TMEM272: variants seen among roughly 807,000 people sequenced by gnomAD.
TMEM272 encodes transmembrane protein 272, also known as long intergenic non-protein coding RNA 282.
TMEM272 carries 8 observed loss-of-function variants against 3.7 expected under a neutral mutation model. The ratio of observed to expected loss-of-function variants is 2.17; its 90% CI spans 1.27 to 3.91. TMEM272 has a LOEUF of 3.91. Ranked by LOEUF, TMEM272 falls within the 30% of genes most tolerant of loss-of-function variation. The probability of loss-of-function intolerance (pLI) is 0.00; values close to 1 mark genes in which losing one functional copy is unlikely to be tolerated. For missense variants in TMEM272, 166 were observed against 91.5 expected, an observed-to-expected ratio of 1.81 and a Z score of -3.32; for synonymous variants, 63 against 39.8, an observed-to-expected ratio of 1.58 and a Z score of -2.20.
chr13:51,907,859 A>G, the TMEM272 span, among the ~76,000 whole-genome samples: 1 of 152,356 alleles, frequency 6.6e-6, no homozygotes, highest in East Asian at 1.9e-4. Flanking sequence ...GCATAAATTT[A>G]CTTTCACATT....
chr13:51,915,599 C>T, the TMEM272 span, among the ~76,000 whole-genome samples: 3 of 152,206 alleles, frequency 2.0e-5, no homozygotes, highest in South Asian at 2.1e-4. Context: ...CGCAGAGACA[C>T]GCCCCTGTCA....
the TMEM272 span, among the ~76,000 whole-genome samples, chr13:51,901,306 G>A: frequency 1.3e-5 from 2 of 152,054 alleles, no homozygotes; most frequent in Non-Finnish European, 2.9e-5. Flanking sequence ...AGTTGTGCCT[G>A]GCATTTGACC....
At chr13:51,865,604 A>T in the TMEM272 span, 1 of 1,614,122 alleles carries the variant, frequency 6.2e-7, no homozygotes, top group South Asian at 1.1e-5. Context: ...CCGAGGCAAG[A>T]TCCATGCTTT....
chr13:51,917,952 A>C, the TMEM272 span, among the ~76,000 whole-genome samples: 1 of 152,120 alleles, frequency 6.6e-6, no homozygotes, highest in African/African-American at 2.4e-5. Context: ...TGAGAGATTC[A>C]TCCCAGTGTC....
the TMEM272 span, among the ~76,000 whole-genome samples, chr13:51,887,017 C>T: frequency 2.0e-5 from 3 of 152,172 alleles, no homozygotes; most frequent in Admixed American, 6.5e-5. Context: ...ATCAGTTCTC[C>T]GCTTGCAAGA....
chr13:51,851,771 C>A, the TMEM272 span, among the ~76,000 whole-genome samples: 4,536 of 152,268 alleles, frequency 0.03, 103 homozygotes, highest in Admixed American at 0.078. Context: ...GATCTGCCTG[C>A]CTCAGCATCC....
chr13:51,844,616 T>C (rs1253175045), intron 1 of TMEM272, among the ~76,000 whole-genome samples: 2 of 152,054 alleles, frequency 1.3e-5, no homozygotes, highest in South Asian at 2.1e-4. Flanking sequence ...AAATGAAAAA[T>C]GCACTTCCTT....
chr13:51,886,614 A>G, the TMEM272 span, among the ~76,000 whole-genome samples: 1 of 152,202 alleles, frequency 6.6e-6, no homozygotes, highest in African/African-American at 2.4e-5. Context: ...TCTATAGATA[A>G]AACATTTTCT....
At chr13:51,865,668 AG>A in the TMEM272 span, 1 of 1,614,230 alleles carries the variant, frequency 6.2e-7, no homozygotes, top group Non-Finnish European at 8.5e-7. Flanking sequence ...TGGGAAGAGG[AG>A]AAAACCTTCT....
the TMEM272 span, among the ~76,000 whole-genome samples, chr13:51,887,716 T>C: frequency 1.3e-5 from 2 of 152,102 alleles, no homozygotes; most frequent in Admixed American, 6.5e-5. Context: ...ATGAGGAAAA[T>C]TGTGAGCCTT....
the TMEM272 span, chr13:51,866,008 G>C: frequency 2.5e-6 from 4 of 1,612,104 alleles, no homozygotes; most frequent in Non-Finnish European, 3.4e-6. Flanking sequence ...CCGGAGAGCA[G>C]ATGCTCGAAG....
chr13:51,844,483 T>C (rs1206441631), intron 1 of TMEM272, among the ~76,000 whole-genome samples: 1 of 152,242 alleles, frequency 6.6e-6, no homozygotes, highest in Non-Finnish European at 1.5e-5. Context: ...CTGTGTAACC[T>C]GTGCTGTTTT....
the TMEM272 span, among the ~76,000 whole-genome samples, chr13:51,930,068 C>G: frequency 6.6e-6 from 1 of 152,174 alleles, no homozygotes; most frequent in Admixed American, 6.5e-5. Context: ...AAAGGACATC[C>G]CTCCATGAAG....
At chr13:51,863,526 G>A in the TMEM272 span, among the ~76,000 whole-genome samples, 1 of 152,108 alleles carries the variant, frequency 6.6e-6, no homozygotes, top group Non-Finnish European at 1.5e-5. Flanking sequence ...GGCTAGGAGG[G>A]CTTGATGGTT....
chr13:51,898,531 C>T, the TMEM272 span, among the ~76,000 whole-genome samples: 4 of 151,108 alleles, frequency 2.6e-5, no homozygotes, highest in African/African-American at 9.8e-5. Flanking sequence ...GAATGTTTTA[C>T]AAAACAAACA....
Position 51,816,817 on chromosome 13 carries a change from C to A in TMEM272, c.498G>T (p.Leu166Phe). Reference protein sequence around the residue: ...VLALSHTVLVLLLLCSGCVYL... With the variant: ...VLALSHTVLVFLLLCSGCVYL... ...AGACACAGCCGCTGCACAGCAGGAG[C>A]AAGACCAGCACAGTGTGACTGAGCG... is the stretch of plus-strand genomic sequence containing the variant. The change falls in exon 5 of 5, where the codon TTG (leucine) becomes TTT (phenylalanine). Residue 166 changes from leucine (L) to phenylalanine (F), a missense_variant. Coordinates refer to ENST00000629372, the MANE Select transcript of TMEM272 (RefSeq NM_001351003.2). 1 of 703,022 alleles carries A rather than the reference C, an allele frequency of 1.4e-6. No homozygotes were observed. The highest frequency in any genetic ancestry group is 2.6e-6 in the Non-Finnish European group (1 of 385,006). 43.5% of individuals were successfully genotyped at this position (703,022 alleles called of 1,614,324 possible). A position where few individuals can be genotyped will look rare whatever the true frequency, so the allele number is the denominator to read the frequency against.
chr13:51,822,061 G>T lies in TMEM272; in HGVS notation c.195C>A (p.Thr65=), dbSNP rs1228036017. Residue 65 remains threonine, a synonymous_variant, in exon 4 of 5, where the codon ACC becomes ACA. Transcript: ENST00000629372. ...GCAGATAAAGATACTTTACCTTTAA[G>T]GTACCGACGATGCCACCCACTAGCA... is the stretch of plus-strand genomic sequence containing the variant. ...LYLLVGGIVG[T]LKVSLLLYDS... 1.4e-6 allele frequency: 1 copy of T among 702,428 alleles called. No homozygotes were observed. Among genetic ancestry groups the T allele is most frequent in the African/African-American group, 1.7e-5 (1 of 57,228 alleles). 43.5% of individuals were successfully genotyped at this position (702,428 alleles called of 1,614,324 possible).
chr13:51,863,424 G>A, the TMEM272 span, among the ~76,000 whole-genome samples: 3 of 152,176 alleles, frequency 2.0e-5, no homozygotes, highest in South Asian at 2.1e-4. Context: ...AGAGAGCAGC[G>A]AGACTGTTAC....
intron 4 of TMEM272, among the ~76,000 whole-genome samples, chr13:51,821,267 GT>G: frequency 6.6e-6 from 1 of 152,316 alleles, no homozygotes; most frequent in East Asian, 1.9e-4. Flanking sequence ...GATATAGAAA[GT>G]GGTGAGGTGG....
Sources: allele counts gnomAD v4.1 joint callset (sites outside exome capture counted in the v4.1 genomes callset), GRCh38; gene constraint gnomAD v4.1.1; transcripts MANE v1.5; gene names NCBI Gene and HGNC (gene_info 2026-07-23, HGNC 2026-07-21).